LRRC37A2: variants seen among roughly 807,000 people sequenced by gnomAD.
LRRC37A2 encodes leucine rich repeat containing 37 member A2.
LRRC37A2 carries 9 observed loss-of-function variants against 68.8 expected under a neutral mutation model. That is an observed-to-expected ratio of 0.13 (90% CI 0.08 to 0.23). LRRC37A2 has a LOEUF of 0.23. Among genes scored for constraint, LRRC37A2 ranks in the 10% least tolerant of loss-of-function variants. LRRC37A2 has a pLI of 1.00. For missense variants in LRRC37A2, 168 were observed against 950.4 expected (o/e 0.18, Z 10.82); for synonymous variants, 63 against 367.6 (o/e 0.17, Z 9.48).
At chr17:46,979,148 G>A in the LRRC37A2 span, 1 of 935,966 alleles carries the variant, frequency 1.1e-6, no homozygotes, top group Non-Finnish European at 1.4e-6. Context: ...GAGGCTGGCT[G>A]CCTGCGCGCT....
chr17:46,902,463 T>TGC, the LRRC37A2 span, among the ~76,000 whole-genome samples: 5 of 145,390 alleles, frequency 3.4e-5, no homozygotes, highest in African/African-American at 7.7e-5. Flanking sequence ...GAACAGTGCG[T>TGC]GTGTGTGTGT....
the LRRC37A2 span, among the ~76,000 whole-genome samples, chr17:46,466,826 C>T: frequency 9.8e-6 from 1 of 102,560 alleles, no homozygotes; most frequent in Non-Finnish European, 2.1e-5. Context: ...AATCACCACA[C>T]TGTTGAAACA....
chr17:47,043,402 G>C, the LRRC37A2 span, among the ~76,000 whole-genome samples: 1 of 150,492 alleles, frequency 6.6e-6, no homozygotes, highest in Non-Finnish European at 1.5e-5. Context: ...GGGAGGCTAA[G>C]GCAGGAGAAT....
the LRRC37A2 span, among the ~76,000 whole-genome samples, chr17:46,928,159 G>GTTGC: frequency 5.7e-4 from 87 of 152,086 alleles, 1 homozygote; most frequent in Admixed American, 3.1e-3. Flanking sequence ...GTGATTTCTA[G>GTTGC]TTGCTTCTCA....
At chr17:46,418,193 TTGTGTG>T in the LRRC37A2 span, among the ~76,000 whole-genome samples, 1 of 57,074 alleles carries the variant, frequency 1.8e-5, no homozygotes, top group African/African-American at 3.8e-5. Flanking sequence ...GGAAAATAAA[TTGTGTG>T]TGTGTGTGTG....
At chr17:46,934,054 A>G in the LRRC37A2 span, among the ~76,000 whole-genome samples, 8 of 152,202 alleles carry the variant, frequency 5.3e-5, no homozygotes, top group Admixed American at 1.3e-4. Flanking sequence ...GCTCCTGCCT[A>G]TAGTCCACTT....
downstream of LRRC37A2, among the ~76,000 whole-genome samples, chr17:46,558,054 T>C (rs1425574090): frequency 2.2e-5 from 3 of 137,756 alleles, no homozygotes; most frequent in African/African-American, 8.3e-5. Context: ...AATTCAGGAG[T>C]TTTGTTTGTT....
the LRRC37A2 span, among the ~76,000 whole-genome samples, chr17:46,894,826 T>A: frequency 1.3e-5 from 2 of 152,228 alleles, no homozygotes; most frequent in Non-Finnish European, 2.9e-5. Context: ...AACTTTTCAC[T>A]TCTCCCCCCT....
At chr17:46,671,935 C>T in the LRRC37A2 span, among the ~76,000 whole-genome samples, 10 of 144,012 alleles carry the variant, frequency 6.9e-5, no homozygotes, top group East Asian at 1.7e-3. Flanking sequence ...AGAATAAGCA[C>T]GGTCCATAAA....
the LRRC37A2 span, among the ~76,000 whole-genome samples, chr17:46,769,330 AAAG>A: frequency 4.0e-5 from 6 of 151,852 alleles, no homozygotes; most frequent in African/African-American, 1.5e-4. Context: ...AAAAAAAAAA[AAAG>A]AAAAGAAAAA....
the LRRC37A2 span, among the ~76,000 whole-genome samples, chr17:46,913,369 C>G: frequency 1.3e-5 from 2 of 152,290 alleles, no homozygotes; most frequent in African/African-American, 4.8e-5. Flanking sequence ...AGTGAATGGA[C>G]AACTGGGACC....
At chr17:46,761,814 T>A in the LRRC37A2 span, among the ~76,000 whole-genome samples, 6 of 152,246 alleles carry the variant, frequency 3.9e-5, no homozygotes, top group Non-Finnish European at 7.3e-5. Context: ...TAAAACCAAC[T>A]TGTGGCATCT....
chr17:46,900,069 A>G, the LRRC37A2 span, among the ~76,000 whole-genome samples: 1 of 150,666 alleles, frequency 6.6e-6, no homozygotes, highest in South Asian at 2.1e-4. Flanking sequence ...CCTGGGGTAC[A>G]GGGAGTGCAC....
At chr17:46,500,967 G>A in the LRRC37A2 span, among the ~76,000 whole-genome samples, 66 of 151,262 alleles carry the variant, frequency 4.4e-4, no homozygotes, top group Non-Finnish European at 8.2e-4. Flanking sequence ...ATCACCTGAG[G>A]TGAGGAGTTT....
chr17:46,958,275 AC>A, the LRRC37A2 span, among the ~76,000 whole-genome samples: 18 of 152,272 alleles, frequency 1.2e-4, no homozygotes, highest in Non-Finnish European at 2.2e-4. Context: ...CAAATCACAC[AC>A]CAAATAAGGA....
the LRRC37A2 span, among the ~76,000 whole-genome samples, chr17:46,676,580 T>C: frequency 2.8e-5 from 4 of 143,558 alleles, no homozygotes; most frequent in Non-Finnish European, 5.9e-5. Flanking sequence ...TGGTTTAGAA[T>C]TTGAATGAAT....
At chr17:46,528,764 A>T (rs2053179416) in intron 6 of LRRC37A2, 1 of 668,048 alleles carries the variant, frequency 1.5e-6, no homozygotes, top group African/African-American at 2.0e-5. Context: ...ACCATTTCAG[A>T]TTCTCTAGAT....
At chr17:46,542,664 C>T (rs1240599164) in intron 8 of LRRC37A2, among the ~76,000 whole-genome samples, 1 of 150,172 alleles carries the variant, frequency 6.7e-6, no homozygotes, top group East Asian at 1.9e-4. Context: ...CACTGCACTC[C>T]AGCTTGGGTG....
the LRRC37A2 span, among the ~76,000 whole-genome samples, chr17:46,881,248 G>C: frequency 4.1e-4 from 63 of 152,198 alleles, no homozygotes; most frequent in Non-Finnish European, 6.8e-4. Flanking sequence ...GCAGAGGTGG[G>C]CCCACAGTCC....
Sources: allele counts gnomAD v4.1 joint callset (sites outside exome capture counted in the v4.1 genomes callset), GRCh38; gene constraint gnomAD v4.1.1; transcripts MANE v1.5; gene names NCBI Gene and HGNC (gene_info 2026-07-23, HGNC 2026-07-21).